The following NBEA variants were observed in gnomAD, a reference collection of about 807,000 sequenced individuals.
The protein encoded by NBEA is neurobeachin, also known as lysosomal-trafficking regulator 2.
A neutral mutation model predicts 343.4 loss-of-function variants in NBEA; 44 were observed. The observed-to-expected ratio is 0.13, with a 90% CI of 0.10 to 0.16. The LOEUF is 0.16. Ranked by LOEUF, NBEA falls within the 10% of genes least tolerant of loss-of-function variation. NBEA has a pLI of 1.00. For synonymous variants in NBEA, 1,175 were observed against 1,238.7 expected (o/e 0.95, Z 1.08); for missense variants, 2,555 against 3,631.3 (o/e 0.70, Z 7.62).
At chr13:35,054,196 A>G (rs1197049929) in intron 6 of NBEA, among the ~76,000 whole-genome samples, 5 of 152,110 alleles carry the variant, frequency 3.3e-5, no homozygotes, top group Non-Finnish European at 7.4e-5. Flanking sequence ...ATTTTATTCC[A>G]CAATATAAAG....
Position 35,069,905 on chromosome 13 carries a change from C to T in NBEA, c.1240-3C>T. 2.6e-6 allele frequency: 4 copies of T among 1,549,648 alleles called. No individual in the cohort carries two copies. The highest frequency in any genetic ancestry group is 3.5e-6 in the Non-Finnish European group (4 of 1,146,308). On this transcript the variant is annotated splice_polypyrimidine_tract_variant and splice_region_variant and intron_variant, in intron 8 of 58. Coordinates refer to ENST00000379939, the MANE Select transcript of NBEA (RefSeq NM_001385012.1). ...AGTGTTTACCTTAGTTTTATTTTTT[C>T]AGAGTACCTTCAAGTTTAAATCTGA...
chr13:35,417,693 T>C (rs1365966989), intron 38 of NBEA, among the ~76,000 whole-genome samples: 2 of 152,228 alleles, frequency 1.3e-5, no homozygotes, highest in Non-Finnish European at 2.9e-5. Flanking sequence ...GATGTGGTGC[T>C]GAGAAGAATG....
intron 56 of NBEA, among the ~76,000 whole-genome samples, chr13:35,665,501 T>A (rs1043389126): frequency 2.0e-5 from 3 of 150,970 alleles, no homozygotes; most frequent in African/African-American, 7.3e-5. Flanking sequence ...GTGGGGGAGG[T>A]GGGGGGTCAT....
chr13:35,380,912 G>A (rs2041977892), intron 38 of NBEA, among the ~76,000 whole-genome samples: 1 of 151,972 alleles, frequency 6.6e-6, no homozygotes, highest in Admixed American at 6.6e-5. Flanking sequence ...GTTTCGTTTT[G>A]CTTTTTTATA....
At chr13:35,112,942 A>G (rs1310680079) in intron 13 of NBEA, among the ~76,000 whole-genome samples, 1 of 152,182 alleles carries the variant, frequency 6.6e-6, no homozygotes, top group African/African-American at 2.4e-5. Flanking sequence ...ATATGATACT[A>G]TCATCTAATT....
At chr13:35,361,748 A>C (rs1247774764) in intron 38 of NBEA, among the ~76,000 whole-genome samples, 1 of 152,060 alleles carries the variant, frequency 6.6e-6, no homozygotes, top group Non-Finnish European at 1.5e-5. Flanking sequence ...TCAGACTGGG[A>C]AAACCATAGA....
chr13:35,651,523 G>A (rs945195001), intron 52 of NBEA, among the ~76,000 whole-genome samples: 1 of 151,902 alleles, frequency 6.6e-6, no homozygotes, highest in African/African-American at 2.4e-5. Context: ...CTTTTTGATG[G>A]GTTCAATAAA....
chr13:35,050,952 C>G (rs183195737), intron 6 of NBEA, among the ~76,000 whole-genome samples: 15 of 152,006 alleles, frequency 9.9e-5, no homozygotes, highest in African/African-American at 3.6e-4. Context: ...ATAGCAGAGA[C>G]AAGGCCAAAA....
At chr13:35,498,911 C>T (rs1299111808) in intron 41 of NBEA, among the ~76,000 whole-genome samples, 1 of 151,956 alleles carries the variant, frequency 6.6e-6, no homozygotes, top group Admixed American at 6.6e-5. Flanking sequence ...CATGACCTTT[C>T]TGTTGAGATT....
At chr13:35,389,478 T>C (rs893186681) in intron 38 of NBEA, among the ~76,000 whole-genome samples, 1 of 152,260 alleles carries the variant, frequency 6.6e-6, no homozygotes, top group Non-Finnish European at 1.5e-5. Flanking sequence ...TTCTTACTGT[T>C]AACAAAATTT....
intron 36 of NBEA, among the ~76,000 whole-genome samples, chr13:35,316,852 A>G (rs1372683086): frequency 6.6e-6 from 1 of 152,178 alleles, no homozygotes; most frequent in Non-Finnish European, 1.5e-5. Flanking sequence ...CATTTCTCTA[A>G]TGACGAGGGA....
chr13:35,665,714 C>T (rs550164912), intron 56 of NBEA, among the ~76,000 whole-genome samples: 1 of 152,282 alleles, frequency 6.6e-6, no homozygotes, highest in Admixed American at 6.5e-5. Flanking sequence ...GCAACTTCCG[C>T]CTCCTGGGTT....
Position 35,207,026 on chromosome 13 carries a change from AAAG to A in NBEA, c.5367-1668_5367-1666del, listed in dbSNP as rs1166352936. Among the ~76,000 whole-genome samples, 4 of 152,192 alleles carry A rather than the reference AAAG, an allele frequency of 2.6e-5. No homozygotes were observed. In the East Asian group the frequency reaches 7.7e-4, roughly 29 times the overall value. On this transcript the variant is annotated intron_variant, in intron 31 of 58. Coordinates refer to ENST00000379939, the MANE Select transcript of NBEA (RefSeq NM_001385012.1). ...TTTGACACCAACATGCTTAAAGAGAAAAGAAGAAAGTACCTAGAAGGAGATAGT... is the reference window on the plus strand; with the variant it reads ...TTTGACACCAACATGCTTAAAGAGAAAAGAAAGTACCTAGAAGGAGATAGT...
intron 29 of NBEA, 22 bp from the exon 30 acceptor site, chr13:35,183,954 G>A (rs1202302476): frequency 6.3e-7 from 1 of 1,581,122 alleles, no homozygotes. Flanking sequence ...GCTCAAATTT[G>A]ATTCCATGAT....
rs556702270 is a variant in NBEA at position 35,439,570 on chromosome 13, T to C, written c.6304+7177T>C. Among the ~76,000 whole-genome samples the C allele has an allele frequency of 2.0e-4, 31 of 152,332 alleles. 1 individual carries two copies. In the South Asian group the frequency reaches 3.9e-3, roughly 19 times the overall value. On this transcript the variant is annotated intron_variant, in intron 39 of 58. Coordinates refer to ENST00000379939, the MANE Select transcript of NBEA (RefSeq NM_001385012.1). ...AAGGTTTCAGAAGGTATTTTTATTT[T>C]AGATGTCTCATATTCCTAGATAAAA...
intron 44 of NBEA, among the ~76,000 whole-genome samples, chr13:35,560,027 GTGCCAAACAT>G (rs558230213): frequency 6.6e-6 from 1 of 151,460 alleles, no homozygotes; most frequent in East Asian, 1.9e-4. Context: ...AATTTATAAT[GTGCCAAACAT>G]TGTTCTAAGG....
At chr13:34,968,122 A>G (rs2059884206) in intron 1 of NBEA, among the ~76,000 whole-genome samples, 1 of 152,164 alleles carries the variant, frequency 6.6e-6, no homozygotes, top group Non-Finnish European at 1.5e-5. Context: ...GCTTAGGAAC[A>G]GCCAAATGGA....
chr13:35,548,991 C>T (rs1483827114), intron 41 of NBEA, among the ~76,000 whole-genome samples: 1 of 152,112 alleles, frequency 6.6e-6, no homozygotes, highest in East Asian at 1.9e-4. Flanking sequence ...CTAACCATTT[C>T]CAGGTATCAT....
chr13:35,046,391 A>T (rs1185596173), intron 4 of NBEA, among the ~76,000 whole-genome samples: 1 of 152,144 alleles, frequency 6.6e-6, no homozygotes, highest in Non-Finnish European at 1.5e-5. Flanking sequence ...GTACATTCCT[A>T]TAAGCAGTGT....
Sources: allele counts gnomAD v4.1 joint callset (sites outside exome capture counted in the v4.1 genomes callset), GRCh38; gene constraint gnomAD v4.1.1; transcripts MANE v1.5; gene names NCBI Gene and HGNC (gene_info 2026-07-23, HGNC 2026-07-21).